The following RBAK variants were observed in gnomAD, a reference collection of about 807,000 sequenced individuals.
RBAK encodes RB-associated KRAB zinc finger protein.
Under a neutral mutation model 65.8 loss-of-function variants are expected in RBAK, and 39 were observed. The observed-to-expected ratio is 0.59, with a 90% CI of 0.46 to 0.77. The LOEUF is 0.77. Among genes scored for constraint, RBAK ranks in the 30% least tolerant of loss-of-function variants. The pLI is 0.00. For synonymous variants in RBAK, 343 were observed against 289.7 expected, an observed-to-expected ratio of 1.18 and a Z score of -1.87; for missense variants, 884 against 855.1, an observed-to-expected ratio of 1.03 and a Z score of -0.42.
At position 5,065,081 on chromosome 7, in the gene RBAK, A is replaced by T; in HGVS notation, c.1625A>T (p.Asn542Ile). 1 of 1,613,972 alleles carries T rather than the reference A, an allele frequency of 6.2e-7. No homozygotes were observed. The highest frequency in any genetic ancestry group is 1.1e-5 in the South Asian group (1 of 91,064). ...LPKGEKSYECNVCGKLFNELS... is the reference protein window; with the variant it reads ...LPKGEKSYECIVCGKLFNELS... Reference sequence around the variant, plus strand: ...AAAGGGGAGAAATCCTATGAATGTAATGTATGTGGAAAGTTATTCAATGAG... The same window carrying T: ...AAAGGGGAGAAATCCTATGAATGTATTGTATGTGGAAAGTTATTCAATGAG... The change falls in exon 5 of 5, where the codon AAT (asparagine) becomes ATT (isoleucine). Residue 542 changes from asparagine to isoleucine, a missense_variant. Transcript: ENST00000396912. The surrounding 1 kb of genome is among the most constrained non-coding windows in gnomAD (Gnocchi z 5.3).
intron 2 of RBAK, among the ~76,000 whole-genome samples, chr7:5,049,894 A>G (rs1325617656): frequency 1.3e-5 from 2 of 151,712 alleles, no homozygotes; most frequent in African/African-American, 4.8e-5. Context: ...ATTTTTTTAT[A>G]TTTTAGTAGA....
rs1263184383 is a variant in RBAK, at chr7:5,068,543, G to A, written c.*2942G>A. On this transcript the variant is annotated 3_prime_UTR_variant, in exon 5 of 5. Coordinates refer to ENST00000396912, the MANE Select transcript of RBAK (RefSeq NM_021163.4). ...AGCACTGCTACCCATCCATGGAAAT[G>A]GTTAAAATGAAAAGCATGAAAAAGC... is the stretch of plus-strand genomic sequence containing the variant. 2 of 152,176 alleles carry A rather than the reference G, an allele frequency of 1.3e-5. No individual in the cohort carries two copies. The highest frequency in any genetic ancestry group is 4.8e-5 in the African/African-American group (2 of 41,428). 9.4% of individuals were successfully genotyped at this position (152,176 alleles called of 1,614,324 possible). A position where few individuals can be genotyped will look rare whatever the true frequency, so the allele number is the denominator to read the frequency against.
rs888644849 is a variant in RBAK at position 5,065,552 on chromosome 7, G to C, written c.2096G>C (p.Arg699Thr). ...HHRSAFNSHQ[R>T]IHRRGNMNVL... ...AGATCAGCCTTCAATAGCCATCAGA[G>C]AATTCATAGAAGAGGAAATATGAAC... The change falls in exon 5 of 5, where the codon AGA becomes ACA. Residue 699 changes from arginine to threonine, a missense_variant. By Grantham distance (71) the Arg-to-Thr change is moderately conservative. Transcript: ENST00000396912. This position sits in a 1 kb window ranked among gnomAD's most constrained non-coding sequence, Gnocchi z 5.3. The C allele has an allele frequency of 6.4e-7, 1 of 1,561,994 alleles. No homozygotes were observed. Among genetic ancestry groups the C allele is most frequent in the African/African-American group, 1.4e-5 (1 of 72,952 alleles).
At chr7:5,063,382 T>G (rs950787843) in intron 4 of RBAK, among the ~76,000 whole-genome samples, 3 of 152,134 alleles carry the variant, frequency 2.0e-5, no homozygotes, top group Non-Finnish European at 4.4e-5. Flanking sequence ...TCTACCAAAG[T>G]TTGAAACATA....
Position 5,066,634 on chromosome 7 carries a change from G to C in RBAK, c.*1033G>C, listed in dbSNP as rs149081244. ...GTTTTGTGCATTCTCCTTTTTCCCAGTATTTCAGAACAAATTGATTCAAGT... is the reference window on the plus strand; with the variant it reads ...GTTTTGTGCATTCTCCTTTTTCCCACTATTTCAGAACAAATTGATTCAAGT... On this transcript the variant is annotated 3_prime_UTR_variant, in exon 5 of 5. Transcript: ENST00000396912. The C allele has an allele frequency of 2.1e-3, 323 of 152,172 alleles. 3 individuals carry two copies. Among genetic ancestry groups the C allele is most frequent in the African/African-American group, 7.6e-3 (315 of 41,512 alleles). The allele number at this position is 152,172 out of a possible 1,614,324, so 9.4% of individuals were successfully genotyped here. A position where few individuals can be genotyped will look rare whatever the true frequency, so the allele number is the denominator to read the frequency against.
intron 4 of RBAK, among the ~76,000 whole-genome samples, chr7:5,060,348 C>A (rs1779040244): frequency 6.6e-6 from 1 of 152,112 alleles, no homozygotes; most frequent in Non-Finnish European, 1.5e-5. Context: ...AAGCACCCAT[C>A]AGATTAGGAA....
rs1788057991 is a variant in RBAK at position 5,049,074 on chromosome 7, A to G, written c.15+983A>G. ...ATCCATGACATCATTTGCATTCATT[A>G]TAAGGAGAAACCAACTTTGTTACTT... On this transcript the variant is annotated intron_variant, in intron 2 of 4. Transcript: ENST00000396912. Among the ~76,000 whole-genome samples the G allele has an allele frequency of 2.6e-5, 4 of 152,358 alleles. No homozygotes were observed. The South Asian group carries it at 8.3e-4, about 32-fold the overall frequency.
chr7:5,047,756 A>G (rs563868709), intron 1 of RBAK, among the ~76,000 whole-genome samples: 1 of 152,032 alleles, frequency 6.6e-6, no homozygotes, highest in African/African-American at 2.4e-5. Context: ...GGCATGTGAC[A>G]CTATGCCTGG....
intron 1 of RBAK, among the ~76,000 whole-genome samples, chr7:5,047,657 G>C (rs898855017): frequency 1.5e-5 from 2 of 137,690 alleles, no homozygotes; most frequent in Non-Finnish European, 3.0e-5. Flanking sequence ...AGTCTGGAGT[G>C]CAGCAGTGTG....
chr7:5,062,724 A>AC (rs1182467410), intron 4 of RBAK, among the ~76,000 whole-genome samples: 1 of 152,190 alleles, frequency 6.6e-6, no homozygotes, highest in Non-Finnish European at 1.5e-5. Context: ...ACCATAGACG[A>AC]CGGCCACACC....
In RBAK at chr7:5,067,559, G is replaced by A. The variant is rs1157268505; in HGVS notation, c.*1958G>A. ...CATTGCAACCTTAAAATCCTAGCAA[G>A]TTCTTTAATGTAAATTAACAAGCTA... On this transcript the variant is annotated 3_prime_UTR_variant, in exon 5 of 5. Transcript: ENST00000396912. 6.6e-6 allele frequency: 1 copy of A among 152,152 alleles called. No homozygotes were observed. The highest frequency in any genetic ancestry group is 2.4e-5 in the African/African-American group (1 of 41,444). 9.4% of individuals were successfully genotyped at this position (152,152 alleles called of 1,614,324 possible). A position where few individuals can be genotyped will look rare whatever the true frequency, so the allele number is the denominator to read the frequency against.
chr7:5,052,299 T>C (rs1259296288), intron 2 of RBAK, among the ~76,000 whole-genome samples: 1 of 152,232 alleles, frequency 6.6e-6, no homozygotes, highest in Non-Finnish European at 1.5e-5. Context: ...CTTGTTTTCA[T>C]CAGTCTATTT....
chr7:5,053,547 A>G (rs183254050), intron 2 of RBAK, among the ~76,000 whole-genome samples: 1 of 152,032 alleles, frequency 6.6e-6, no homozygotes, highest in African/African-American at 2.4e-5. Context: ...CATTTTTATC[A>G]TTATTTCTTC....
chr7:5,047,346 C>G (rs111360760), intron 1 of RBAK, among the ~76,000 whole-genome samples: 12,536 of 152,178 alleles, frequency 0.082, 611 homozygotes, highest in East Asian at 0.18. Context: ...CTGCAGTGAG[C>G]TGTGAATGCA....
intron 2 of RBAK, among the ~76,000 whole-genome samples, chr7:5,056,780 A>T (rs1433359047): frequency 1.3e-5 from 2 of 152,126 alleles, no homozygotes; most frequent in African/African-American, 4.8e-5. Context: ...ACTAGGTGAG[A>T]GCCCCAGAGC....
At position 5,064,435 on chromosome 7, in the gene RBAK, T is replaced by A; in HGVS notation, c.979T>A (p.Cys327Ser). 1 of 1,614,060 alleles carries A rather than the reference T, an allele frequency of 6.2e-7. No homozygotes were observed. The highest frequency in any genetic ancestry group is 1.1e-5 in the South Asian group (1 of 91,072). The change falls in exon 5 of 5, where the codon TGT becomes AGT. Residue 327 changes from cysteine to serine, a missense_variant. By Grantham distance (112) the Cys-to-Ser change is moderately radical. Transcript: ENST00000396912. This position sits in a 1 kb window ranked among gnomAD's most constrained non-coding sequence, Gnocchi z 6.3. The stretch of plus-strand genomic sequence containing the variant: ...ATGTAATGAATGTGGGAAAACCTTT[T>A]GTCAGAAGTTACACCTCACTCAACA... ...YKCNECGKTFCQKLHLTQHLR... is the reference protein window; with the variant it reads ...YKCNECGKTFSQKLHLTQHLR...
Position 5,067,411 on chromosome 7 carries a change from A to T in RBAK, c.*1810A>T, listed in dbSNP as rs925818673. On this transcript the variant is annotated 3_prime_UTR_variant, in exon 5 of 5. Coordinates refer to ENST00000396912, the MANE Select transcript of RBAK (RefSeq NM_021163.4). ...GCAATGCCACTTCAAAGATCCCTCAAGTGCCTAGAGGGAGAAAATGAGTTA... is the reference window on the plus strand; with the variant it reads ...GCAATGCCACTTCAAAGATCCCTCATGTGCCTAGAGGGAGAAAATGAGTTA... The T allele has an allele frequency of 6.6e-6, 1 of 152,204 alleles. No individual in the cohort carries two copies. The highest frequency in any genetic ancestry group is 1.5e-5 in the Non-Finnish European group (1 of 68,008). The allele number at this position is 152,204 out of a possible 1,614,324, so 9.4% of individuals were successfully genotyped here.
chr7:5,053,800 G>C (rs557461512), intron 2 of RBAK, among the ~76,000 whole-genome samples: 1 of 152,260 alleles, frequency 6.6e-6, no homozygotes, highest in East Asian at 1.9e-4. Context: ...GTTAGCGTGG[G>C]TCTTTTTTAC....
intron 4 of RBAK, among the ~76,000 whole-genome samples, chr7:5,059,261 G>A (rs529337962): frequency 1.3e-5 from 2 of 151,872 alleles, no homozygotes; most frequent in South Asian, 4.2e-4. Flanking sequence ...CATTTTACTT[G>A]CCCACATAAT....
Sources: allele counts gnomAD v4.1 joint callset (sites outside exome capture counted in the v4.1 genomes callset), GRCh38; gene constraint gnomAD v4.1.1; non-coding constraint Gnocchi (gnomAD v3.1); transcripts MANE v1.5; gene names NCBI Gene and HGNC (gene_info 2026-07-23, HGNC 2026-07-21).